Variants in YEATS2 observed in about 807,000 individuals in gnomAD.
YEATS2 encodes YEATS domain containing 2.
Under a neutral mutation model 163.2 loss-of-function variants are expected in YEATS2, and 77 were observed. The observed-to-expected ratio is 0.47, with a 90% CI of 0.39 to 0.57. YEATS2 has a LOEUF of 0.57. Ranked by LOEUF, YEATS2 falls within the 20% of genes least tolerant of loss-of-function variation. YEATS2 has a pLI of 0.00. For missense variants in YEATS2, 1,549 were observed against 1,729.8 expected (o/e 0.90, Z 1.85); for synonymous variants, 631 against 645.1 (o/e 0.98, Z 0.33).
intron 15 of YEATS2, among the ~76,000 whole-genome samples, chr3:183,770,326 G>C (rs1238157029): frequency 6.6e-6 from 1 of 152,038 alleles, no homozygotes. Flanking sequence ...GGAGGTTGCA[G>C]TGAGCCGAGA....
At chr3:183,786,322 AGAGAATCCTAAT>A (rs776133570) in intron 20 of YEATS2, 21 bp downstream of exon 20, 10 of 1,591,312 alleles carry the variant, frequency 6.3e-6, no homozygotes, top group South Asian at 3.3e-5. Context: ...GCATGTCAGT[AGAGAATCCTAAT>A]GAGACATGAA....
At chr3:183,785,009 G>A (rs1723923386) in intron 19 of YEATS2, among the ~76,000 whole-genome samples, 1 of 151,580 alleles carries the variant, frequency 6.6e-6, no homozygotes, top group African/African-American at 2.4e-5. Context: ...GGAGGCAGAG[G>A]TTGCAGTGAG....
In YEATS2 at chr3:183,728,698, C is replaced by T. The variant is rs758179704; in HGVS notation, c.659C>T (p.Pro220Leu). Residue 220 changes from proline to leucine, a missense_variant, in exon 7 of 31, where the codon CCT (proline) becomes CTT (leucine). Pro to Leu is a moderately conservative substitution (Grantham distance 98). Transcript: ENST00000305135. ...TTTTTCTTCTTCTCTAGGTATATAC[C>T]TCCGGATAAGAGGGAAGAAAATGAC... is the stretch of plus-strand genomic sequence containing the variant. ...IVVGNVSKYI[P>L]PDKREENDQS... 6.2e-7 allele frequency: 1 copy of T among 1,605,938 alleles called. No homozygotes were observed. Among genetic ancestry groups the T allele is most frequent in the Non-Finnish European group, 8.5e-7 (1 of 1,177,380 alleles).
intron 20 of YEATS2, among the ~76,000 whole-genome samples, chr3:183,786,586 C>G (rs1164411861): frequency 1.3e-5 from 2 of 152,290 alleles, no homozygotes; most frequent in South Asian, 2.1e-4. Flanking sequence ...CACTCCCATT[C>G]CATCCTTCTG....
intron 10 of YEATS2, 130 bp from the exon 11 acceptor site, chr3:183,753,992 TTGTA>T: frequency 9.1e-7 from 1 of 1,093,780 alleles, no homozygotes; most frequent in South Asian, 2.5e-5. Context: ...GGATGATTGA[TTGTA>T]TTTATTTTGC....
chr3:183,721,948 G>A lies in YEATS2; in HGVS notation c.349G>A (p.Glu117Lys), dbSNP rs771180649. 6.2e-7 allele frequency: 1 copy of A among 1,614,080 alleles called. No homozygotes were observed. Among genetic ancestry groups the A allele is most frequent in the South Asian group, 1.1e-5 (1 of 91,070 alleles). Residue 117 changes from glutamate to lysine, a missense_variant, in exon 5 of 31, where the codon GAA (glutamate) becomes AAA (lysine). By Grantham distance (56) the Glu-to-Lys change is moderately conservative. Transcript: ENST00000305135. ...FNHPAIKKFL[E>K]SPSRSSSPAN... ...TCATCCTGCTATCAAGAAATTTTTG[G>A]AATCACCATCTAGGTCATCATCTCC...
intron 11 of YEATS2, 42 bp from the exon 12 acceptor site, chr3:183,756,486 A>G (rs1720779076): frequency 1.0e-5 from 15 of 1,496,076 alleles, no homozygotes; most frequent in Non-Finnish European, 1.3e-5. Flanking sequence ...CGTGAGTTGA[A>G]TATGTGTATT....
intron 20 of YEATS2, among the ~76,000 whole-genome samples, chr3:183,789,077 GCTGT>G (rs1325181831): frequency 2.6e-5 from 4 of 152,216 alleles, no homozygotes; most frequent in South Asian, 4.1e-4. Context: ...CATTCTGTGG[GCTGT>G]CTCTTTGTTG....
At chr3:183,766,764 G>A (rs1721947634) in intron 15 of YEATS2, among the ~76,000 whole-genome samples, 1 of 151,862 alleles carries the variant, frequency 6.6e-6, no homozygotes, top group Non-Finnish European at 1.5e-5. Flanking sequence ...AGCCTCCCTG[G>A]GCTCCAGCAA....
At chr3:183,791,083 G>A in intron 21 of YEATS2, 103 bp downstream of exon 21, 2 of 1,455,294 alleles carry the variant, frequency 1.4e-6, no homozygotes, top group Non-Finnish European at 9.3e-7. Flanking sequence ...GCCCAAGCTA[G>A]AGTGCAATAT....
At position 183,762,276 on chromosome 3, in the gene YEATS2, C is replaced by T. The variant is rs775469759; in HGVS notation, c.1944C>T (p.Ser648=). ...CCCAGTCAGCAAAGGTTCAGCCCTC[C>T]AAGGTTTGTGTTGGGTAGAGATGGG... ...GIAQSAKVQP[S]KVVGVPVGSA... is the part of the protein sequence containing the mutation. The change falls in exon 15 of 31, where the codon TCC becomes TCT. Residue 648 remains serine, a synonymous_variant. Coordinates refer to ENST00000305135, the MANE Select transcript of YEATS2 (RefSeq NM_018023.5). The T allele has an allele frequency of 1.9e-6, 3 of 1,592,780 alleles. No homozygotes were observed. Among genetic ancestry groups the T allele is most frequent in the Middle Eastern group, 3.4e-4 (2 of 5,822 alleles).
At chr3:183,749,099 C>T (rs748352035) in intron 9 of YEATS2, among the ~76,000 whole-genome samples, 45 of 152,098 alleles carry the variant, frequency 3.0e-4, no homozygotes, top group Non-Finnish European at 4.9e-4. Flanking sequence ...CCCGCCACCA[C>T]GCCCGGCTAA....
At chr3:183,743,235 AT>A (rs1233622625) in intron 8 of YEATS2, among the ~76,000 whole-genome samples, 3 of 152,366 alleles carry the variant, frequency 2.0e-5, no homozygotes, top group Non-Finnish European at 4.4e-5. Context: ...CAAAAGAAAT[AT>A]ACCAAAAAGT....
At chr3:183,730,024 T>C (rs897624228) in intron 7 of YEATS2, among the ~76,000 whole-genome samples, 5 of 146,042 alleles carry the variant, frequency 3.4e-5, no homozygotes, top group African/African-American at 7.5e-5. Context: ...GTTACACACA[T>C]ATATATTAAT....
At chr3:183,753,324 T>TA (rs1357690106) in intron 10 of YEATS2, among the ~76,000 whole-genome samples, 3 of 152,240 alleles carry the variant, frequency 2.0e-5, no homozygotes, top group African/African-American at 7.2e-5. Context: ...ATAAAAGATA[T>TA]AAAATTGATC....
At chr3:183,747,921 A>G (rs911333291) in intron 9 of YEATS2, among the ~76,000 whole-genome samples, 12 of 151,994 alleles carry the variant, frequency 7.9e-5, no homozygotes, top group African/African-American at 2.9e-4. Flanking sequence ...CTGGGATTAC[A>G]GGAACGCACC....
chr3:183,777,558 G>A lies in YEATS2; in HGVS notation c.2594G>A (p.Gly865Asp). The A allele has an allele frequency of 6.2e-7, 1 of 1,611,300 alleles. No homozygotes were observed. The highest frequency in any genetic ancestry group is 8.5e-7 in the Non-Finnish European group (1 of 1,179,274). Residue 865 changes from glycine (G) to aspartate (D), a missense_variant, in exon 19 of 31, where the codon GGC (glycine) becomes GAC (aspartate). Physicochemically the swap from Gly to Asp is moderately conservative, Grantham distance 94. Transcript: ENST00000305135. ...KQTPQGTFLVGQPSPQTSGKQ... is the reference protein window; with the variant it reads ...KQTPQGTFLVDQPSPQTSGKQ... ...CTAACTTAGGGCACATTTTTAGTTG[G>A]CCAGCCATCACCCCAGACTTCTGGA...
chr3:183,811,026 G>A lies in YEATS2; in HGVS notation c.*443G>A. 1 of 175,922 alleles carries A rather than the reference G, an allele frequency of 5.7e-6. No individual in the cohort carries two copies. The highest frequency in any genetic ancestry group is 1.2e-5 in the Non-Finnish European group (1 of 82,866). 10.9% of individuals were successfully genotyped at this position (175,922 alleles called of 1,614,324 possible). A position where few individuals can be genotyped will look rare whatever the true frequency, so the allele number is the denominator to read the frequency against. On this transcript the variant is annotated 3_prime_UTR_variant, in exon 31 of 31. Transcript: ENST00000305135. ...CCAGCAGTTACCCTGAAGAGAGATT[G>A]GGCTTCAGCCTTCAGCAGGTGGTTC... is the stretch of plus-strand genomic sequence containing the variant.
chr3:183,780,208 G>C (rs890840601), intron 19 of YEATS2, among the ~76,000 whole-genome samples: 8 of 152,036 alleles, frequency 5.3e-5, no homozygotes, highest in African/African-American at 1.9e-4. Context: ...TACATATGTG[G>C]ATATATCTCA....
Sources: allele counts gnomAD v4.1 joint callset (sites outside exome capture counted in the v4.1 genomes callset), GRCh38; gene constraint gnomAD v4.1.1; transcripts MANE v1.5; gene names NCBI Gene and HGNC (gene_info 2026-07-23, HGNC 2026-07-21).